Variants in TECRL observed in about 807,000 individuals in gnomAD.
TECRL encodes trans-2,3-enoyl-CoA reductase like, also known as trans-2,3-enoyl-CoA reductase-like.
In TECRL, 63 loss-of-function variants were observed where a neutral mutation model predicts 52.8. The ratio of observed to expected loss-of-function variants is 1.19; its 90% CI spans 0.97 to 1.47. The LOEUF is 1.47. Ranked by LOEUF, TECRL falls within the 40% of genes most tolerant of loss-of-function variation. The probability of loss-of-function intolerance (pLI) is 0.00; values close to 1 mark genes in which losing one functional copy is unlikely to be tolerated. For missense variants in TECRL, 482 were observed against 429.6 expected, an observed-to-expected ratio of 1.12 and a Z score of -1.08; for synonymous variants, 164 against 141.9, an observed-to-expected ratio of 1.16 and a Z score of -1.10.
In TECRL at chr4:64,277,963, T is replaced by C. The variant is rs1450105240; in HGVS notation, c.*2109A>G. ...TAAAGATGTAAAAATAGAACAAATT[T>C]TTTCCACTCTGAATGTGCCCAAATT... On this transcript the variant is annotated 3_prime_UTR_variant, in exon 12 of 12. Coordinates refer to ENST00000381210, the MANE Select transcript of TECRL (RefSeq NM_001010874.5). 1 of 151,698 alleles carries C rather than the reference T, an allele frequency of 6.6e-6. No individual in the cohort carries two copies. The highest frequency in any genetic ancestry group is 2.4e-5 in the African/African-American group (1 of 41,390). 9.4% of individuals were successfully genotyped at this position (151,698 alleles called of 1,614,324 possible). A position where few individuals can be genotyped will look rare whatever the true frequency, so the allele number is the denominator to read the frequency against.
chr4:64,324,850 A>G (rs1310068390), intron 3 of TECRL, among the ~76,000 whole-genome samples: 3 of 152,198 alleles, frequency 2.0e-5, no homozygotes, highest in African/African-American at 7.2e-5. Context: ...ACCTAAGAAC[A>G]CATGTGTGGT....
chr4:64,355,618 G>A (rs1459636578), intron 2 of TECRL, among the ~76,000 whole-genome samples: 1 of 151,642 alleles, frequency 6.6e-6, no homozygotes, highest in Non-Finnish European at 1.5e-5. Context: ...CGAACACAGT[G>A]AAACCGAGTC....
chr4:64,286,484 T>C (rs1723088605), intron 9 of TECRL, among the ~76,000 whole-genome samples: 1 of 151,596 alleles, frequency 6.6e-6, no homozygotes, highest in Admixed American at 6.6e-5. Flanking sequence ...TACTCCACAA[T>C]GTAATAAAAC....
chr4:64,306,390 C>T (rs1008201373), intron 6 of TECRL, among the ~76,000 whole-genome samples: 9 of 152,238 alleles, frequency 5.9e-5, no homozygotes, highest in African/African-American at 1.4e-4. Flanking sequence ...CTTGGTGTTA[C>T]GCAAAGGCCT....
chr4:64,342,336 G>A (rs769697273), intron 2 of TECRL, among the ~76,000 whole-genome samples: 3 of 152,090 alleles, frequency 2.0e-5, no homozygotes, highest in Non-Finnish European at 2.9e-5. Flanking sequence ...TTGGAGGACT[G>A]CATGACACTG....
At chr4:64,378,471 T>TAACA (rs1722552823) in intron 1 of TECRL, among the ~76,000 whole-genome samples, 1 of 151,964 alleles carries the variant, frequency 6.6e-6, no homozygotes, top group Non-Finnish European at 1.5e-5. Flanking sequence ...GGAACCTGGG[T>TAACA]GACAGAGGGA....
At chr4:64,354,822 G>T (rs1720649508) in intron 2 of TECRL, among the ~76,000 whole-genome samples, 2 of 152,204 alleles carry the variant, frequency 1.3e-5, no homozygotes, top group African/African-American at 4.8e-5. Context: ...GAGTCCTGGA[G>T]CCAGAGAATG....
Position 64,279,371 on chromosome 4 carries a change from G to A in TECRL, c.*701C>T, listed in dbSNP as rs1049527543. On this transcript the variant is annotated 3_prime_UTR_variant, in exon 12 of 12. Transcript: ENST00000381210. ...GAGCTGGAGCAACCTCGAGTAGCTGGGACTACCTACTGGCATGTGCCACCA... is the reference window on the plus strand; with the variant it reads ...GAGCTGGAGCAACCTCGAGTAGCTGAGACTACCTACTGGCATGTGCCACCA... 1 of 151,958 alleles carries A rather than the reference G, an allele frequency of 6.6e-6. No individual in the cohort carries two copies. Among genetic ancestry groups the A allele is most frequent in the Non-Finnish European group, 1.5e-5 (1 of 68,010 alleles). 9.4% of individuals were successfully genotyped at this position (151,958 alleles called of 1,614,324 possible).
At chr4:64,349,642 T>A (rs1720239146) in intron 2 of TECRL, among the ~76,000 whole-genome samples, 1 of 152,192 alleles carries the variant, frequency 6.6e-6, no homozygotes, top group Non-Finnish European at 1.5e-5. Flanking sequence ...AATATTAATA[T>A]TACTTAGCAT....
chr4:64,352,375 AATAG>A (rs1057044285), intron 2 of TECRL, among the ~76,000 whole-genome samples: 12 of 152,332 alleles, frequency 7.9e-5, no homozygotes, highest in Middle Eastern at 3.4e-3. Flanking sequence ...CTGAGAGAGG[AATAG>A]ATAGATAGAT....
chr4:64,291,760 A>T (rs566290890), intron 8 of TECRL, among the ~76,000 whole-genome samples: 2 of 152,090 alleles, frequency 1.3e-5, no homozygotes, highest in African/African-American at 4.8e-5. Context: ...CAAATTTTTC[A>T]TTAGGTGAAA....
intron 8 of TECRL, among the ~76,000 whole-genome samples, chr4:64,297,426 A>G (rs1723751014): frequency 6.6e-6 from 1 of 151,116 alleles, no homozygotes; most frequent in Admixed American, 6.6e-5. Flanking sequence ...TTTTGTTAAT[A>G]TAACGTTTTA....
At chr4:64,393,984 T>C in intron 1 of TECRL, among the ~76,000 whole-genome samples, 1 of 152,070 alleles carries the variant, frequency 6.6e-6, no homozygotes, top group East Asian at 1.9e-4. Flanking sequence ...AAATTCAGAC[T>C]TTTTTGGAGT....
intron 3 of TECRL, among the ~76,000 whole-genome samples, chr4:64,325,308 C>T (rs978599490): frequency 1.3e-5 from 2 of 152,154 alleles, no homozygotes; most frequent in African/African-American, 4.8e-5. Flanking sequence ...GTAATAATTG[C>T]CTTGCTGAGA....
In TECRL at chr4:64,405,295, G is replaced by A. The variant is rs185121284; in HGVS notation, c.234+3823C>T. Among the ~76,000 whole-genome samples the A allele has an allele frequency of 3.0e-4, 45 of 152,168 alleles. No homozygotes were observed. The East Asian group carries it at 7.9e-3, about 27-fold the overall frequency. ...CAGGCTAGTTCTTGTTGTTAGTAGA[G>A]GATATATTGAAAGTGATAAAGACAC... On this transcript the variant is annotated intron_variant, in intron 1 of 11. Transcript: ENST00000381210.
chr4:64,378,061 C>G (rs1157183806), intron 1 of TECRL, among the ~76,000 whole-genome samples: 1 of 151,576 alleles, frequency 6.6e-6, no homozygotes. Context: ...GAAATAAAAC[C>G]AAAGTAAAAG....
intron 4 of TECRL, among the ~76,000 whole-genome samples, chr4:64,321,712 T>C (rs901684286): frequency 6.7e-6 from 1 of 148,622 alleles, no homozygotes; most frequent in Non-Finnish European, 1.5e-5. Flanking sequence ...TAACCCTCTA[T>C]GTCTTTTCAA....
At chr4:64,371,383 C>CT (rs1721965991) in intron 2 of TECRL, among the ~76,000 whole-genome samples, 1 of 150,542 alleles carries the variant, frequency 6.6e-6, no homozygotes, top group Non-Finnish European at 1.5e-5. Context: ...TTATAATAAA[C>CT]AATTAAATAA....
chr4:64,356,737 T>C (rs1451289543), intron 2 of TECRL, among the ~76,000 whole-genome samples: 1 of 152,192 alleles, frequency 6.6e-6, no homozygotes. Context: ...AGGTCCTCCA[T>C]ATGCTAGGTG....
Sources: allele counts gnomAD v4.1 joint callset (sites outside exome capture counted in the v4.1 genomes callset), GRCh38; gene constraint gnomAD v4.1.1; transcripts MANE v1.5; gene names NCBI Gene and HGNC (gene_info 2026-07-23, HGNC 2026-07-21).